Variants in ARHGAP10 observed in about 807,000 individuals in gnomAD.
The protein encoded by ARHGAP10 is rho GTPase-activating protein 10.
Under a neutral mutation model 108.6 loss-of-function variants are expected in ARHGAP10, and 87 were observed. That is an observed-to-expected ratio of 0.80 (90% CI 0.67 to 0.96). The LOEUF (loss-of-function observed/expected upper bound fraction) is 0.96, where lower values mean the gene tolerates loss of function less well. Ranked by LOEUF, ARHGAP10 falls within the 40% of genes least tolerant of loss-of-function variation. The pLI is 0.00. For missense variants in ARHGAP10, 939 were observed against 954.5 expected (o/e 0.98, Z 0.21); for synonymous variants, 347 against 341.1 (o/e 1.02, Z -0.19).
chr4:148,052,036 G>A (rs901125865), intron 20 of ARHGAP10, among the ~76,000 whole-genome samples: 4 of 152,070 alleles, frequency 2.6e-5, no homozygotes, highest in South Asian at 2.1e-4. Context: ...AGAGTACCCC[G>A]CTCCCCCAAA....
Position 147,946,717 on chromosome 4 carries a change from C to T in ARHGAP10, c.1391+13C>T. 6.4e-7 allele frequency: 1 copy of T among 1,571,294 alleles called. No individual in the cohort carries two copies. Among genetic ancestry groups the T allele is most frequent in the Non-Finnish European group, 8.6e-7 (1 of 1,159,652 alleles). On this transcript the variant is annotated intron_variant, in intron 15 of 22. Coordinates refer to ENST00000336498, the MANE Select transcript of ARHGAP10 (RefSeq NM_024605.4). ...AACAGTATTTGAGGTAAGCTCCTCTCAGTAGCAAGAAAGAAGAATGGACTA... is the reference window on the plus strand; with the variant it reads ...AACAGTATTTGAGGTAAGCTCCTCTTAGTAGCAAGAAAGAAGAATGGACTA...
Position 148,072,103 on chromosome 4 carries a change from C to A in ARHGAP10, c.*22C>A. 6.2e-7 allele frequency: 1 copy of A among 1,602,792 alleles called. No homozygotes were observed. The highest frequency in any genetic ancestry group is 8.5e-7 in the Non-Finnish European group (1 of 1,174,836). On this transcript the variant is annotated 3_prime_UTR_variant, in exon 23 of 23. Transcript: ENST00000336498. Reference sequence around the variant, plus strand: ...GTAGCTCCTGGCCTCAGAGCCCCTGCTGACCCTGGCACCCAGGGACCTGCC... The same window carrying A: ...GTAGCTCCTGGCCTCAGAGCCCCTGATGACCCTGGCACCCAGGGACCTGCC...
At chr4:147,879,554 A>ATT (rs560261814) in intron 9 of ARHGAP10, among the ~76,000 whole-genome samples, 1 of 147,054 alleles carries the variant, frequency 6.8e-6, no homozygotes, top group South Asian at 2.2e-4. Context: ...AAACCACTAG[A>ATT]TTTTTTTTTT....
In ARHGAP10 at chr4:147,959,431, G is replaced by A. The variant is rs901219261; in HGVS notation, c.1450+4057G>A. On this transcript the variant is annotated intron_variant, in intron 16 of 22. Coordinates refer to ENST00000336498, the MANE Select transcript of ARHGAP10 (RefSeq NM_024605.4). Reference sequence around the variant, plus strand: ...TGTGTACAACGTGCAGATTTGTTACGTATGTATACATGTGCCATGTTGGTG... The same window carrying A: ...TGTGTACAACGTGCAGATTTGTTACATATGTATACATGTGCCATGTTGGTG... Among the ~76,000 whole-genome samples, 12 of 151,970 alleles carry A rather than the reference G, an allele frequency of 7.9e-5. No homozygotes were observed. In the East Asian group the frequency reaches 1.2e-3, roughly 15 times the overall value.
At chr4:147,862,960 A>G (rs1398556570) in intron 5 of ARHGAP10, 1 of 152,232 alleles carries the variant, frequency 6.6e-6, no homozygotes, top group Non-Finnish European at 1.5e-5. Flanking sequence ...AGTGTTAGGT[A>G]GAAATTCTCA....
At chr4:147,862,713 A>G (rs1579129777) in intron 5 of ARHGAP10, 2 of 152,270 alleles carry the variant, frequency 1.3e-5, no homozygotes, top group East Asian at 3.8e-4. Flanking sequence ...TACAGTAGCA[A>G]GAACAACCAG....
chr4:148,063,370 G>A, intron 21 of ARHGAP10, 70 bp downstream of exon 21: 2 of 1,577,360 alleles, frequency 1.3e-6, no homozygotes, highest in East Asian at 2.3e-5. Flanking sequence ...ACCTGAGCAG[G>A]TTCTTGTGTT....
intron 1 of ARHGAP10, among the ~76,000 whole-genome samples, chr4:147,743,675 G>T (rs557019094): frequency 6.6e-6 from 1 of 152,314 alleles, no homozygotes; most frequent in South Asian, 2.1e-4. Context: ...TACTCTGGAG[G>T]CTGAGGCAGG....
At chr4:147,762,675 G>A (rs2126707426) in intron 1 of ARHGAP10, among the ~76,000 whole-genome samples, 1 of 151,618 alleles carries the variant, frequency 6.6e-6, no homozygotes, top group East Asian at 1.9e-4. Flanking sequence ...GACTACAGGT[G>A]CCTGCCACCA....
intron 18 of ARHGAP10, among the ~76,000 whole-genome samples, chr4:147,968,469 G>A (rs766638966): frequency 3.9e-4 from 60 of 152,312 alleles, no homozygotes; most frequent in Non-Finnish European, 7.6e-4. Flanking sequence ...CCAGATAAAT[G>A]CACATAAATC....
At chr4:147,879,130 C>T (rs746240370) in intron 8 of ARHGAP10, 102 bp from the exon 9 acceptor site, 18 of 850,820 alleles carry the variant, frequency 2.1e-5, no homozygotes, top group African/African-American at 1.7e-4. Flanking sequence ...CAGCTGTATT[C>T]GTTGCTGCGT....
intron 1 of ARHGAP10, among the ~76,000 whole-genome samples, chr4:147,751,865 C>T (rs981660933): frequency 6.6e-6 from 1 of 150,786 alleles, no homozygotes; most frequent in Non-Finnish European, 1.5e-5. Flanking sequence ...GCAAGTTATA[C>T]ACTTTCTGAA....
At chr4:148,047,742 C>T (rs923178111) in intron 20 of ARHGAP10, among the ~76,000 whole-genome samples, 9 of 152,102 alleles carry the variant, frequency 5.9e-5, no homozygotes, top group African/African-American at 2.2e-4. Flanking sequence ...GAGAAAACTC[C>T]AATAATAATT....
chr4:147,931,104 AG>A (rs1737659146), intron 13 of ARHGAP10, among the ~76,000 whole-genome samples: 1 of 152,154 alleles, frequency 6.6e-6, no homozygotes, highest in Non-Finnish European at 1.5e-5. Context: ...CCTCTCCTCT[AG>A]GAAGATGTGG....
intron 10 of ARHGAP10, 33 bp from the exon 11 acceptor site, chr4:147,906,605 G>C (rs371766692): frequency 2.5e-6 from 4 of 1,608,132 alleles, no homozygotes; most frequent in East Asian, 4.5e-5. Flanking sequence ...TAGTGGCCAA[G>C]GGGTAACCTG....
chr4:147,816,333 A>G (rs968807158), intron 1 of ARHGAP10, among the ~76,000 whole-genome samples: 11 of 152,190 alleles, frequency 7.2e-5, no homozygotes, highest in African/African-American at 2.7e-4. Flanking sequence ...GTTGTCTGTC[A>G]TGTGCAATAT....
chr4:147,766,833 TATA>T (rs1560747039), intron 1 of ARHGAP10, among the ~76,000 whole-genome samples: 41 of 109,856 alleles, frequency 3.7e-4, no homozygotes, highest in African/African-American at 1.3e-3. Context: ...TATATATATA[TATA>T]TATTTATTTA....
rs912937455 is a variant in ARHGAP10, at chr4:147,989,201, C to G, written c.1716+22362C>G. ...GAGTTTCAAAAGGGGAGGGAGTATA[C>G]GAATAGGTGTGGGTGACAGACATCA... On this transcript the variant is annotated intron_variant, in intron 18 of 22. Transcript: ENST00000336498. Among the ~76,000 whole-genome samples, 5 of 152,164 alleles carry G rather than the reference C, an allele frequency of 3.3e-5. 1 individual carries two copies. Among genetic ancestry groups the G allele is most frequent in the Admixed American group, 1.3e-4 (2 of 15,282 alleles).
intron 1 of ARHGAP10, among the ~76,000 whole-genome samples, chr4:147,787,803 A>G (rs1339673589): frequency 6.6e-6 from 1 of 152,006 alleles, no homozygotes; most frequent in Non-Finnish European, 1.5e-5. Flanking sequence ...ACAGAACCTC[A>G]TCTTTGGAAG....
Sources: gnomAD v4.1 joint callset for allele counts (sites outside exome capture counted in the v4.1 genomes callset) on GRCh38, gnomAD v4.1.1 for gene constraint, MANE v1.5 for transcripts, NCBI Gene and HGNC (gene_info 2026-07-23, HGNC 2026-07-21) for gene names.